Variants in VPS39 observed in about 807,000 individuals in gnomAD.
VPS39 encodes the protein vam6/Vps39-like protein.
A neutral mutation model predicts 121.0 loss-of-function variants in VPS39; 70 were observed. That is an observed-to-expected ratio of 0.58 (90% CI 0.48 to 0.71). The LOEUF (loss-of-function observed/expected upper bound fraction) is 0.71. Among genes scored for constraint, VPS39 ranks in the 30% least tolerant of loss-of-function variants. The probability of loss-of-function intolerance (pLI) is 0.00; values close to 1 mark genes in which losing one functional copy is unlikely to be tolerated. For synonymous variants in VPS39, 378 were observed against 398.1 expected (o/e 0.95, Z 0.60); for missense variants, 818 against 1,051.5 (o/e 0.78, Z 3.07).
At chr15:42,196,847 T>A (rs2049950886) in intron 2 of VPS39, among the ~76,000 whole-genome samples, 1 of 152,124 alleles carries the variant, frequency 6.6e-6, no homozygotes, top group East Asian at 1.9e-4. Flanking sequence ...GGATTATAGA[T>A]CATGCTAGTA....
Position 42,165,784 on chromosome 15 carries a change from A to G in VPS39, c.1713T>C (p.Ser571=), listed in dbSNP as rs1287924303. 1.3e-5 allele frequency: 21 copies of G among 1,614,078 alleles called. No individual in the cohort carries two copies. Among genetic ancestry groups the G allele is most frequent in the Non-Finnish European group, 1.8e-5 (21 of 1,180,030 alleles). Residue 571 remains serine (S), a synonymous_variant, in exon 17 of 25, where the codon TCT becomes TCC. Transcript: ENST00000318006. ...IFTEDLPEVE[S]LPRDRVLGFL... Reference sequence around the variant, plus strand: ...AGCCGAGGACTCGATCACGTGGCAGAGACTCCACTTCCGGGAGATCTTCAG... The same window carrying G: ...AGCCGAGGACTCGATCACGTGGCAGGGACTCCACTTCCGGGAGATCTTCAG...
Position 42,166,828 on chromosome 15 carries a change from G to T in VPS39, c.1463C>A (p.Ala488Asp). 6.2e-7 allele frequency: 1 copy of T among 1,614,236 alleles called. No individual in the cohort carries two copies. Among genetic ancestry groups the T allele is most frequent in the Non-Finnish European group, 8.5e-7 (1 of 1,180,048 alleles). The change falls in exon 14 of 25, where the codon GCT becomes GAT. Residue 488 changes from alanine to aspartate, a missense_variant. By Grantham distance (126) the Ala-to-Asp change is moderately radical. Transcript: ENST00000318006. ...GATGATAAGCTCACTGTACTTGTGA[G>T]CCTTCTTTAGCACGTGCTCGCTCTC... ...IEESEHVLKKAHKYSELIILY... is the reference protein window; with the variant it reads ...IEESEHVLKKDHKYSELIILY...
chr15:42,162,654 A>G, intron 21 of VPS39, 173 bp from the exon 22 acceptor site: 1 of 671,622 alleles, frequency 1.5e-6, no homozygotes, highest in Non-Finnish European at 2.2e-6. Flanking sequence ...GCAACTGAAG[A>G]TGTTAATTAA....
intron 13 of VPS39, 135 bp from the exon 14 acceptor site, chr15:42,167,048 A>G: frequency 7.8e-7 from 1 of 1,274,256 alleles, no homozygotes; most frequent in African/African-American, 1.5e-5. Flanking sequence ...CTTTCAGGAC[A>G]GCAGGTAGAG....
At chr15:42,168,275 C>T (rs2049282821) in intron 12 of VPS39, among the ~76,000 whole-genome samples, 1 of 152,252 alleles carries the variant, frequency 6.6e-6, no homozygotes, top group Non-Finnish European at 1.5e-5. Flanking sequence ...ACAGCTAAGA[C>T]ATTGGCAGTG....
Position 42,184,608 on chromosome 15 carries a change from C to T in VPS39, c.627G>A (p.Val209=). 6.2e-7 allele frequency: 1 copy of T among 1,614,172 alleles called. No homozygotes were observed. The highest frequency in any genetic ancestry group is 1.1e-5 in the South Asian group (1 of 91,082). The change falls in exon 8 of 25, where the codon GTG becomes GTA. Residue 209 remains valine (V), a synonymous_variant. Transcript: ENST00000318006. ...GTACCACGGTGAGATCATCCTGGCC[C>T]ACAGCCACTTTTCCATCTGCCAGAG... is the stretch of plus-strand genomic sequence containing the variant. The part of the protein sequence containing the change: ...VAPLADGKVA[V]GQDDLTVVLN...
chr15:42,203,330 G>C (rs1219847104), intron 1 of VPS39, among the ~76,000 whole-genome samples: 1 of 152,124 alleles, frequency 6.6e-6, no homozygotes, highest in Admixed American at 6.5e-5. Context: ...AAATTAGCCA[G>C]GCATGGTGGT....
At chr15:42,187,141 A>T in intron 7 of VPS39, 130 bp downstream of exon 7, 1 of 646,716 alleles carries the variant, frequency 1.5e-6, no homozygotes, top group Non-Finnish European at 2.6e-6. Context: ...AATGATAACT[A>T]CACATACAAA....
At chr15:42,174,123 TGTAGTCCCAG>T (rs2049401466) in intron 10 of VPS39, among the ~76,000 whole-genome samples, 3 of 152,136 alleles carry the variant, frequency 2.0e-5, no homozygotes, top group African/African-American at 7.2e-5. Flanking sequence ...GGCACGTGCC[TGTAGTCCCAG>T]CTACTCGGGA....
intron 15 of VPS39, 28 bp from the exon 16 acceptor site, chr15:42,166,260 AGT>A: frequency 6.2e-7 from 1 of 1,608,062 alleles, no homozygotes; most frequent in Non-Finnish European, 8.5e-7. Flanking sequence ...ACTTGTCAGC[AGT>A]TGAGGCCCAT....
chr15:42,166,294 G>C, intron 15 of VPS39, 62 bp from the exon 16 acceptor site: 1 of 1,500,664 alleles, frequency 6.7e-7, no homozygotes, highest in Non-Finnish European at 9.3e-7. Context: ...CACTGGGAAG[G>C]CAGGTGGGCA....
intron 1 of VPS39, among the ~76,000 whole-genome samples, chr15:42,206,417 T>C (rs1303011932): frequency 6.6e-6 from 1 of 152,202 alleles, no homozygotes; most frequent in African/African-American, 2.4e-5. Flanking sequence ...ATTTCTCCTG[T>C]TCGGTGGGTG....
Position 42,187,792 on chromosome 15 carries a change from T to TA in VPS39, c.406dup (p.Tyr136LeufsTer10). 2 of 1,614,112 alleles carry TA rather than the reference T, an allele frequency of 1.2e-6. No homozygotes were observed. Among genetic ancestry groups the TA allele is most frequent in the Non-Finnish European group, 8.5e-7 (1 of 1,180,014 alleles). On this transcript the variant is annotated frameshift_variant, in exon 6 of 25. Coordinates refer to ENST00000318006, the MANE Select transcript of VPS39 (RefSeq NM_015289.5). LOFTEE classifies it high-confidence loss of function. ...ATGAAATTCCCTGTCCTTCCAGAAA[T>TA]AGAGCTGCAGCTTCTTTTTTACTGC...
chr15:42,191,235 T>C, intron 3 of VPS39, 68 bp from the exon 4 acceptor site: 1 of 1,571,450 alleles, frequency 6.4e-7, no homozygotes, highest in Non-Finnish European at 8.7e-7. Context: ...GTTCATTCAA[T>C]AACAGTAATA....
At chr15:42,182,299 T>A (rs1183910423) in intron 8 of VPS39, among the ~76,000 whole-genome samples, 1 of 152,258 alleles carries the variant, frequency 6.6e-6, no homozygotes, top group Non-Finnish European at 1.5e-5. Context: ...TGCTAACTTG[T>A]ATAACATATG....
chr15:42,183,106 G>GA (rs1457417777), intron 8 of VPS39, among the ~76,000 whole-genome samples: 1 of 112,700 alleles, frequency 8.9e-6, no homozygotes, highest in Non-Finnish European at 1.8e-5. Context: ...TGTGTTTTTT[G>GA]TTTTTTTTTT....
At chr15:42,165,856 G>C (rs762028798) in intron 16 of VPS39, 40 bp from the exon 17 acceptor site, 1 of 1,570,650 alleles carries the variant, frequency 6.4e-7, no homozygotes, top group Non-Finnish European at 8.8e-7. Flanking sequence ...AGAACCATCT[G>C]ACTGCAGTTC....
At chr15:42,192,123 T>C (rs79599491) in intron 2 of VPS39, 39,660 of 1,535,952 alleles carry the variant, frequency 0.026, 577 homozygotes, top group Middle Eastern at 0.045. Flanking sequence ...GGGAAGAAAG[T>C]TATATACCAT....
rs1364550822 is a variant in VPS39 at position 42,187,355 on chromosome 15, A to G, written c.450T>C (p.Phe150=). Residue 150 remains phenylalanine, a synonymous_variant, in exon 7 of 25, where the codon TTT becomes TTC. Transcript: ENST00000318006. The part of the protein sequence containing the change: ...DREFHELQGD[F]SVPDVPKSMA... ...TGGACTTGGGCACATCTGGCACACT[A>G]AAGTCCCCCTGAAAAAAGAGAGCAA... 6.2e-7 allele frequency: 1 copy of G among 1,607,150 alleles called. No individual in the cohort carries two copies. Among genetic ancestry groups the G allele is most frequent in the Admixed American group, 1.7e-5 (1 of 57,740 alleles).
Sources: allele counts gnomAD v4.1 joint callset (sites outside exome capture counted in the v4.1 genomes callset), GRCh38; gene constraint gnomAD v4.1.1; transcripts MANE v1.5; gene names NCBI Gene and HGNC (gene_info 2026-07-23, HGNC 2026-07-21).